PRKG1: variants seen among roughly 807,000 people sequenced by gnomAD.
PRKG1 encodes the protein cGMP-dependent protein kinase 1.
Under a neutral mutation model 88.1 loss-of-function variants are expected in PRKG1, and 35 were observed. That is an observed-to-expected ratio of 0.40 (90% CI 0.30 to 0.53). The LOEUF (loss-of-function observed/expected upper bound fraction) is 0.53, where lower values mean the gene tolerates loss of function less well. PRKG1 is among the 20% of genes least tolerant of loss of function. PRKG1 has a pLI of 0.59. For synonymous variants in PRKG1, 303 were observed against 292.5 expected (o/e 1.04, Z -0.37); for missense variants, 540 against 839.8 (o/e 0.64, Z 4.41).
At chr10:52,065,103 T>G (rs1244980018) in intron 7 of PRKG1, among the ~76,000 whole-genome samples, 1 of 152,138 alleles carries the variant, frequency 6.6e-6, no homozygotes, top group Non-Finnish European at 1.5e-5. Flanking sequence ...TCATGTATCA[T>G]GAAGGAAAAA....
intron 10 of PRKG1, among the ~76,000 whole-genome samples, chr10:52,262,420 A>T (rs1841454410): frequency 1.3e-5 from 2 of 151,980 alleles, no homozygotes; most frequent in African/African-American, 4.8e-5. Context: ...ACAGGTGCCC[A>T]CTGCCATGCC....
At chr10:51,651,443 G>A (rs182657625) in intron 3 of PRKG1, among the ~76,000 whole-genome samples, 242 of 152,098 alleles carry the variant, frequency 1.6e-3, no homozygotes, top group Middle Eastern at 0.01. Flanking sequence ...CAGGTCAAAT[G>A]TCACTTCCTC....
intron 4 of PRKG1, among the ~76,000 whole-genome samples, chr10:51,871,664 G>A (rs1459595221): frequency 1.3e-5 from 2 of 152,162 alleles, no homozygotes; most frequent in South Asian, 2.1e-4. Context: ...TGCAATATAC[G>A]CTTCCACCAT....
intron 3 of PRKG1, among the ~76,000 whole-genome samples, chr10:51,479,150 A>C (rs1279389727): frequency 6.6e-6 from 1 of 152,068 alleles, no homozygotes; most frequent in African/African-American, 2.4e-5. Context: ...GACCATGGAC[A>C]ACAGTAAACA....
At chr10:51,138,746 G>T (rs61849731) in intron 1 of PRKG1, among the ~76,000 whole-genome samples, 2,365 of 123,124 alleles carry the variant, frequency 0.019, 31 homozygotes, top group Middle Eastern at 0.12. Context: ...ACAGTGGCAT[G>T]ATCTCGGCTC....
At chr10:51,286,969 C>A (rs943522270) in intron 2 of PRKG1, among the ~76,000 whole-genome samples, 1 of 152,124 alleles carries the variant, frequency 6.6e-6, no homozygotes, top group African/African-American at 2.4e-5. Flanking sequence ...CTTGACTTTT[C>A]GGGTTTAAAG....
intron 2 of PRKG1, among the ~76,000 whole-genome samples, chr10:51,176,564 CA>C (rs1683040479): frequency 6.6e-6 from 1 of 152,042 alleles, no homozygotes; most frequent in South Asian, 2.1e-4. Flanking sequence ...ATAAATAAGA[CA>C]ATCAAAAATT....
intron 4 of PRKG1, among the ~76,000 whole-genome samples, chr10:51,905,838 C>T (rs990051128): frequency 2.0e-5 from 3 of 152,072 alleles, no homozygotes; most frequent in Non-Finnish European, 4.4e-5. Context: ...CAAATCCATG[C>T]TTTCATAACT....
intron 14 of PRKG1, among the ~76,000 whole-genome samples, chr10:52,287,020 G>A (rs1842131682): frequency 6.6e-6 from 1 of 151,680 alleles, no homozygotes; most frequent in Non-Finnish European, 1.5e-5. Context: ...ATGAATATTA[G>A]ACTAACATGC....
At chr10:51,485,190 T>C (rs1840493868) in intron 3 of PRKG1, among the ~76,000 whole-genome samples, 1 of 152,200 alleles carries the variant, frequency 6.6e-6, no homozygotes, top group Non-Finnish European at 1.5e-5. Context: ...TTATTTTTAT[T>C]TTTTAATAAA....
chr10:52,035,869 A>G, intron 5 of PRKG1, among the ~76,000 whole-genome samples: 1 of 152,246 alleles, frequency 6.6e-6, no homozygotes, highest in Non-Finnish European at 1.5e-5. Flanking sequence ...CATGAGGGCT[A>G]GGCTAAAACA....
intron 5 of PRKG1, among the ~76,000 whole-genome samples, chr10:52,047,976 C>T (rs999906052): frequency 5.3e-5 from 8 of 151,878 alleles, no homozygotes; most frequent in Non-Finnish European, 1.0e-4. Context: ...ATTAGTCATG[C>T]TTTAGTTGAG....
intron 1 of PRKG1, among the ~76,000 whole-genome samples, chr10:51,141,606 T>C (rs1015805771): frequency 3.9e-5 from 6 of 152,200 alleles, no homozygotes; most frequent in Admixed American, 2.0e-4. Context: ...TATTTACTAC[T>C]GAAAGGGACA....
At chr10:51,796,432 T>G (rs1839013432) in intron 3 of PRKG1, among the ~76,000 whole-genome samples, 1 of 152,102 alleles carries the variant, frequency 6.6e-6, no homozygotes, top group Non-Finnish European at 1.5e-5. Context: ...TCATACCATC[T>G]TCTAAATCTT....
chr10:51,825,384 A>G (rs1015610367), intron 4 of PRKG1, among the ~76,000 whole-genome samples: 4 of 152,210 alleles, frequency 2.6e-5, no homozygotes, highest in Non-Finnish European at 4.4e-5. Flanking sequence ...CAAAAAGATC[A>G]TAATATAAGA....
At chr10:51,204,775 A>G (rs918205696) in intron 2 of PRKG1, among the ~76,000 whole-genome samples, 10 of 152,128 alleles carry the variant, frequency 6.6e-5, no homozygotes, top group African/African-American at 1.4e-4. Flanking sequence ...CTTGAGGCAT[A>G]GTGAGATGTG....
At chr10:51,724,868 A>AC (rs1315949189) in intron 3 of PRKG1, among the ~76,000 whole-genome samples, 1 of 69,774 alleles carries the variant, frequency 1.4e-5, no homozygotes, top group Non-Finnish European at 3.1e-5. Context: ...TAATTTTTGT[A>AC]CTTTTTTTTT....
intron 3 of PRKG1, among the ~76,000 whole-genome samples, chr10:51,686,685 T>C (rs1310768151): frequency 6.6e-6 from 1 of 152,218 alleles, no homozygotes; most frequent in Non-Finnish European, 1.5e-5. Flanking sequence ...GCAAGTAGTC[T>C]GAACACATGT....
chr10:51,734,272 G>A (rs1023514059), intron 3 of PRKG1, among the ~76,000 whole-genome samples: 1 of 152,058 alleles, frequency 6.6e-6, no homozygotes, highest in African/African-American at 2.4e-5. Context: ...ATAATGGCTT[G>A]CATCTATTTG....
Sources: gnomAD v4.1 joint callset for allele counts (sites outside exome capture counted in the v4.1 genomes callset) on GRCh38, gnomAD v4.1.1 for gene constraint, MANE v1.5 for transcripts, NCBI Gene and HGNC (gene_info 2026-07-23, HGNC 2026-07-21) for gene names.